Variants in BRINP2 observed in about 807,000 individuals in gnomAD.
The protein encoded by BRINP2 is BMP/retinoic acid inducible neural specific 2.
BRINP2 carries 21 observed loss-of-function variants against 69.2 expected under a neutral mutation model. The observed-to-expected ratio is 0.30, with a 90% CI of 0.22 to 0.44. The LOEUF is 0.44. Ranked by LOEUF, BRINP2 falls within the 20% of genes least tolerant of loss-of-function variation. The pLI, the probability that BRINP2 is intolerant of heterozygous loss-of-function variation, is 1.00. For missense variants in BRINP2, 877 were observed against 986.0 expected (o/e 0.89, Z 1.48); for synonymous variants, 380 against 394.1 (o/e 0.96, Z 0.42).
intron 1 of BRINP2, among the ~76,000 whole-genome samples, chr1:177,220,292 T>C (rs983139836): frequency 6.6e-6 from 1 of 152,054 alleles, no homozygotes; most frequent in Non-Finnish European, 1.5e-5. Context: ...CATGTTGAAA[T>C]CCCCATTGTA....
intron 1 of BRINP2, among the ~76,000 whole-genome samples, chr1:177,221,721 G>A (rs1649537667): frequency 6.6e-6 from 1 of 152,104 alleles, no homozygotes; most frequent in South Asian, 2.1e-4. Context: ...AGGCTGCTGA[G>A]AACCACTGGG....
At chr1:177,275,511 G>T (rs1191561034) in intron 5 of BRINP2, among the ~76,000 whole-genome samples, 1 of 152,214 alleles carries the variant, frequency 6.6e-6, no homozygotes, top group African/African-American at 2.4e-5. Context: ...TTCTATGAAT[G>T]CTGTGATTTG....
In BRINP2 at chr1:177,281,153, G is replaced by T. The variant is rs770730573; in HGVS notation, c.1977G>T (p.Glu659Asp). 6.2e-7 allele frequency: 1 copy of T among 1,614,216 alleles called. No homozygotes were observed. The highest frequency in any genetic ancestry group is 1.3e-5 in the African/African-American group (1 of 75,050). The change falls in exon 8 of 8, where the codon GAG becomes GAT. Residue 659 changes from glutamate to aspartate, a missense_variant. This residue lies in a region of BRINP2 where 225 missense variants were observed against 218.7 expected (regional missense o/e 1.03). Coordinates refer to ENST00000361539, the MANE Select transcript of BRINP2 (RefSeq NM_021165.4). ...AGTCCCTGGATGACAGCTCCAATGA[G>T]ACAATCTACTATGAGCCCCTGGAGA... ...RIKSLDDSSNETIYYEPLEMT... is the reference protein window; with the variant it reads ...RIKSLDDSSNDTIYYEPLEMT...
rs199922704 is a variant in BRINP2 at position 177,188,983 on chromosome 1, G to C, written c.-77+17251G>C. Among the ~76,000 whole-genome samples the C allele has an allele frequency of 3.3e-5, 5 of 152,136 alleles. No homozygotes were observed. The East Asian group carries it at 9.7e-4, about 29-fold the overall frequency. On this transcript the variant is annotated intron_variant, in intron 1 of 7. Coordinates refer to ENST00000361539, the MANE Select transcript of BRINP2 (RefSeq NM_021165.4). ...ATATTTTCAAGTTAACTCAGGACAA[G>C]GTACACACTAATAGTAGAGAAATCG...
chr1:177,253,190 T>C (rs1031023360), intron 2 of BRINP2, among the ~76,000 whole-genome samples: 2 of 152,130 alleles, frequency 1.3e-5, no homozygotes, highest in Non-Finnish European at 2.9e-5. Flanking sequence ...CCCCTTTCTC[T>C]GCATCCTGAC....
intron 1 of BRINP2, among the ~76,000 whole-genome samples, chr1:177,225,913 C>T (rs1649677924): frequency 1.3e-5 from 2 of 152,190 alleles, no homozygotes; most frequent in Non-Finnish European, 2.9e-5. Context: ...GAGGAGCAGT[C>T]GGCACTGAAT....
rs182256335 is a variant in BRINP2, at chr1:177,214,590, C to T, written c.-76-15211C>T. On this transcript the variant is annotated intron_variant, in intron 1 of 7. Coordinates refer to ENST00000361539, the MANE Select transcript of BRINP2 (RefSeq NM_021165.4). ...AATGCCAAGTACCCTTCATTTGGCA[C>T]CAACACCAGGAGTGGGGATTTCCGT... is the stretch of plus-strand genomic sequence containing the variant. Among the ~76,000 whole-genome samples the T allele has an allele frequency of 2.0e-5, 3 of 152,266 alleles. No homozygotes were observed. The East Asian group carries it at 5.8e-4, about 29-fold the overall frequency.
rs374653290 is a variant in BRINP2, at chr1:177,178,970, CA to C, written c.-77+7241del. 6.8e-4 allele frequency among the ~76,000 whole-genome samples: 104 copies of C among 152,226 alleles called. 1 individual carries two copies. The East Asian group carries it at 0.018, about 26-fold the overall frequency. The stretch of plus-strand genomic sequence containing the variant: ...GCAGACACTGTACTGAAGTTTTACA[CA>C]AATAAACTCATTTGATCCTATAAGG... On this transcript the variant is annotated intron_variant, in intron 1 of 7. Transcript: ENST00000361539.
At chr1:177,270,315 G>A (rs984508139) in intron 4 of BRINP2, among the ~76,000 whole-genome samples, 3 of 152,192 alleles carry the variant, frequency 2.0e-5, no homozygotes, top group African/African-American at 7.2e-5. Context: ...AAATGAGCAT[G>A]AGGATCATGG....
intron 4 of BRINP2, among the ~76,000 whole-genome samples, chr1:177,263,859 C>T (rs1020096260): frequency 4.6e-5 from 7 of 152,178 alleles, no homozygotes; most frequent in Non-Finnish European, 1.0e-4. Flanking sequence ...TATCTTTCAT[C>T]ATGTATACAC....
intron 1 of BRINP2, 124 bp from the exon 2 acceptor site, chr1:177,229,677 A>G (rs1649802499): frequency 1.6e-6 from 1 of 637,168 alleles, no homozygotes; most frequent in Admixed American, 3.9e-5. Flanking sequence ...CTAAATGCCG[A>G]GAACGAAGTT....
chr1:177,220,818 A>T (rs1004754602), intron 1 of BRINP2, among the ~76,000 whole-genome samples: 2 of 152,128 alleles, frequency 1.3e-5, no homozygotes, highest in Non-Finnish European at 2.9e-5. Flanking sequence ...GGAGTTGTGG[A>T]TTGGCCCATG....
intron 2 of BRINP2, among the ~76,000 whole-genome samples, chr1:177,247,957 G>A (rs916639122): frequency 2.0e-5 from 3 of 152,156 alleles, no homozygotes; most frequent in Non-Finnish European, 2.9e-5. Context: ...GGGGTGCCAC[G>A]GTGGAGGGGG....
chr1:177,219,158 G>A, intron 1 of BRINP2, among the ~76,000 whole-genome samples: 1 of 152,136 alleles, frequency 6.6e-6, no homozygotes, highest in Non-Finnish European at 1.5e-5. Context: ...ATGCTTTGTG[G>A]TCAGCAATTC....
rs751219116 is a variant in BRINP2, at chr1:177,231,161, C to A, written c.269+1016C>A. ...ACCTGTTGTTAGATTTATCAACTTG[C>A]ATGCCTTATATAAAGTAACTCCAAC... is the stretch of plus-strand genomic sequence containing the variant. On this transcript the variant is annotated intron_variant, in intron 2 of 7. Coordinates refer to ENST00000361539, the MANE Select transcript of BRINP2 (RefSeq NM_021165.4). 3.0e-4 allele frequency among the ~76,000 whole-genome samples: 45 copies of A among 152,118 alleles called. 1 individual carries two copies. The highest frequency in any genetic ancestry group is 1.4e-3 in the Admixed American group (21 of 15,284).
At chr1:177,255,846 A>G in intron 2 of BRINP2, 73 bp from the exon 3 acceptor site, 1 of 1,453,090 alleles carries the variant, frequency 6.9e-7, no homozygotes, top group Non-Finnish European at 9.5e-7. Context: ...GAAGAACATT[A>G]CCTACTTCAG....
intron 1 of BRINP2, among the ~76,000 whole-genome samples, chr1:177,187,753 A>C (rs2102294240): frequency 6.6e-6 from 1 of 152,344 alleles, no homozygotes; most frequent in East Asian, 1.9e-4. Context: ...TAGGACTATG[A>C]GCTCTCAAAA....
intron 4 of BRINP2, among the ~76,000 whole-genome samples, chr1:177,267,640 C>G (rs1171486283): frequency 6.6e-6 from 1 of 152,170 alleles, no homozygotes; most frequent in Non-Finnish European, 1.5e-5. Context: ...GTTTTCAATT[C>G]TCTTGAGAAA....
At chr1:177,206,727 A>G (rs1317905508) in intron 1 of BRINP2, among the ~76,000 whole-genome samples, 1 of 152,170 alleles carries the variant, frequency 6.6e-6, no homozygotes, top group Admixed American at 6.6e-5. Flanking sequence ...GAAGCATGAA[A>G]GGCACTAGGA....
Sources: allele counts gnomAD v4.1 joint callset (sites outside exome capture counted in the v4.1 genomes callset), GRCh38; gene constraint gnomAD v4.1.1; regional missense constraint gnomAD v4.1.1; transcripts MANE v1.5; gene names NCBI Gene and HGNC (gene_info 2026-07-23, HGNC 2026-07-21).